Variants in PIF1 observed in about 807,000 individuals in gnomAD.
PIF1 encodes the protein ATP-dependent DNA helicase PIF1.
Under a neutral mutation model 62.3 loss-of-function variants are expected in PIF1, and 67 were observed. That is an observed-to-expected ratio of 1.08 (90% CI 0.88 to 1.32). The LOEUF is 1.32. Ranked by LOEUF, PIF1 falls within the 40% of genes most tolerant of loss-of-function variation. The pLI, the probability that PIF1 is intolerant of heterozygous loss-of-function variation, is 0.00. For synonymous variants in PIF1, 364 were observed against 379.5 expected (o/e 0.96, Z 0.47); for missense variants, 886 against 866.1 (o/e 1.02, Z -0.29).
At chr15:64,822,435 C>T in intron 3 of PIF1, 43 bp downstream of exon 3, 1 of 1,614,086 alleles carries the variant, frequency 6.2e-7, no homozygotes, top group Admixed American at 1.7e-5. Flanking sequence ...TTCCTCTATC[C>T]CACCCCACCA....
chr15:64,820,861 A>G, intron 7 of PIF1, 121 bp downstream of exon 7: 1 of 843,742 alleles, frequency 1.2e-6, no homozygotes, highest in South Asian at 1.6e-5. Flanking sequence ...CTCTTCCTGC[A>G]TGGAGTGCTT....
In PIF1 at chr15:64,822,525, A is replaced by G. The variant is rs757793016; in HGVS notation, c.644T>C (p.Leu215Pro). The change falls in exon 3 of 13, where the codon CTG (leucine) becomes CCG (proline). Residue 215 changes from leucine (L) to proline (P), a missense_variant. Transcript: ENST00000559239. ...PQLSEEQAAVLRAVLKGQSIF... is the reference protein window; with the variant it reads ...PQLSEEQAAVPRAVLKGQSIF... Reference sequence around the variant, plus strand: ...GCTCTGGCCTTTCAGGACGGCCCTCAGCACAGCAGCCTGTTCCTCAGAAAG... The same window carrying G: ...GCTCTGGCCTTTCAGGACGGCCCTCGGCACAGCAGCCTGTTCCTCAGAAAG... 4.3e-6 allele frequency: 7 copies of G among 1,613,362 alleles called. No homozygotes were observed. In the South Asian group the frequency reaches 6.6e-5, roughly 15 times the overall value.
In PIF1 at chr15:64,815,753, G is replaced by A; in HGVS notation, c.*545C>T. 1 of 1,550,612 alleles carries A rather than the reference G, an allele frequency of 6.4e-7. No individual in the cohort carries two copies. Among genetic ancestry groups the A allele is most frequent in the Non-Finnish European group, 8.7e-7 (1 of 1,147,006 alleles). ...AGCTTAAAATATGGGTGCACATTTT[G>A]CAGCTTATGTTCTTTGGTTAGGCTC... On this transcript the variant is annotated 3_prime_UTR_variant, in exon 13 of 13. Transcript: ENST00000559239.
intron 12 of PIF1, 29 bp from the exon 13 acceptor site, chr15:64,816,386 T>C (rs766010671): frequency 1.2e-6 from 2 of 1,613,634 alleles, no homozygotes; most frequent in Admixed American, 1.7e-5. Context: ...AGCCCAGTCA[T>C]GGGTTTGTGC....
Position 64,815,987 on chromosome 15 carries a change from C to A in PIF1, c.*311G>T. The A allele has an allele frequency of 6.6e-7, 1 of 1,518,926 alleles. No individual in the cohort carries two copies. The highest frequency in any genetic ancestry group is 8.8e-7 in the Non-Finnish European group (1 of 1,131,910). The allele number at this position is 1,518,926 out of a possible 1,614,324, so 94.1% of individuals were successfully genotyped here. On this transcript the variant is annotated 3_prime_UTR_variant, in exon 13 of 13. Transcript: ENST00000559239. ...TGTTCAGGACTCTGCAGCTCTGTGT[C>A]CAGCCCTTGCAGAGAGCTTTGTCCT...
At position 64,821,315 on chromosome 15, in the gene PIF1, C is replaced by A. The variant is rs757714602; in HGVS notation, c.972-34G>T. 39 of 1,613,976 alleles carry A rather than the reference C, an allele frequency of 2.4e-5. No homozygotes were observed. The South Asian group carries it at 4.2e-4, about 17-fold the overall frequency. On this transcript the variant is annotated intron_variant, in intron 5 of 12. Coordinates refer to ENST00000559239, the MANE Select transcript of PIF1 (RefSeq NM_001286496.2). ...GAGCGTGGGGTGCTTTAGGGGCACA[C>A]AGAAGACCACCAGGTCCCAGTTCTC...
Position 64,819,913 on chromosome 15 carries a change from T to C in PIF1, c.1267A>G (p.Thr423Ala), listed in dbSNP as rs920114744. The part of the protein sequence containing the change: ...HKVGRDGIVA[T>A]RLCTHQDDVA... ...TCATCCTGGTGGGTGCAGAGCCTCGTGGCCACAATCCCATCTCGCCCCACC... is the reference window on the plus strand; with the variant it reads ...TCATCCTGGTGGGTGCAGAGCCTCGCGGCCACAATCCCATCTCGCCCCACC... The change falls in exon 8 of 13, where the codon ACG (threonine) becomes GCG (alanine). Residue 423 changes from threonine to alanine, a missense_variant. Physicochemically the swap from Thr to Ala is moderately conservative, Grantham distance 58 (BLOSUM62 0). Transcript: ENST00000559239. 1 of 1,614,062 alleles carries C rather than the reference T, an allele frequency of 6.2e-7. No individual in the cohort carries two copies. The highest frequency in any genetic ancestry group is 2.2e-5 in the East Asian group (1 of 44,898).
chr15:64,821,309 GGCACACA>G (rs761503728), intron 5 of PIF1, 28 bp from the exon 6 acceptor site: 3 of 1,614,132 alleles, frequency 1.9e-6, no homozygotes, highest in Non-Finnish European at 2.5e-6. Flanking sequence ...GTGCTTTAGG[GGCACACA>G]GAAGACCACC....
intron 11 of PIF1, 74 bp from the exon 12 acceptor site, chr15:64,816,839 C>G (rs993052050): frequency 7.3e-7 from 1 of 1,369,234 alleles, no homozygotes; most frequent in Non-Finnish European, 9.8e-7. Flanking sequence ...GACCCTTTAC[C>G]AGCCCTGCTA....
Position 64,824,093 on chromosome 15 carries a change from G to A in PIF1, c.243C>T (p.Ala81=), listed in dbSNP as rs998256497. 4 of 1,266,950 alleles carry A rather than the reference G, an allele frequency of 3.2e-6. No homozygotes were observed. Among genetic ancestry groups the A allele is most frequent in the East Asian group, 6.4e-5 (2 of 31,340 alleles). 78.5% of individuals were successfully genotyped at this position (1,266,950 alleles called of 1,614,324 possible). A position where few individuals can be genotyped will look rare whatever the true frequency, so the allele number is the denominator to read the frequency against. The change falls in exon 2 of 13, where the codon GCC becomes GCT. Residue 81 remains alanine, a synonymous_variant. Coordinates refer to ENST00000559239, the MANE Select transcript of PIF1 (RefSeq NM_001286496.2). The part of the protein sequence containing the change: ...LRAARLFTRF[A]EAGRSTLRLP... ...GCCGCAGGGTGCTGCGCCCGGCCTC[G>A]GCGAAACGCGTGAAGAGGCGCGCGG...
rs1461782187 is a variant in PIF1 at position 64,824,315 on chromosome 15, C to T, written c.21G>A (p.Ala7=). The T allele has an allele frequency of 1.3e-5, 16 of 1,257,126 alleles. No homozygotes were observed. The highest frequency in any genetic ancestry group is 4.0e-5 in the Admixed American group (1 of 24,756). The allele number at this position is 1,257,126 out of a possible 1,614,324, so 77.9% of individuals were successfully genotyped here. A position where few individuals can be genotyped will look rare whatever the true frequency, so the allele number is the denominator to read the frequency against. The change falls in exon 2 of 13, where the codon GCG becomes GCA. Residue 7 remains alanine (A), a synonymous_variant. Coordinates refer to ENST00000559239, the MANE Select transcript of PIF1 (RefSeq NM_001286496.2). MLSGIE[A]AAGEYEDSEL... Reference sequence around the variant, plus strand: ...CCGAGTCCTCATATTCCCCTGCCGCCGCCTCTATGCCCGAGAGCATCGTCA... The same window carrying T: ...CCGAGTCCTCATATTCCCCTGCCGCTGCCTCTATGCCCGAGAGCATCGTCA...
intron 1 of PIF1, 61 bp from the exon 2 acceptor site, chr15:64,824,415 G>GGGAC (rs2084339076): frequency 9.0e-7 from 1 of 1,111,008 alleles, no homozygotes; most frequent in Non-Finnish European, 1.1e-6. Context: ...GGTGCTATAG[G>GGGAC]GGACGTAATG....
Position 64,824,104 on chromosome 15 carries a change from T to G in PIF1, c.232A>C (p.Thr78Pro). The G allele has an allele frequency of 7.9e-7, 1 of 1,268,512 alleles. No homozygotes were observed. Among genetic ancestry groups the G allele is most frequent in the Non-Finnish European group, 9.9e-7 (1 of 1,008,390 alleles). 78.6% of individuals were successfully genotyped at this position (1,268,512 alleles called of 1,614,324 possible). ...CTGCGCCCGGCCTCGGCGAAACGCG[T>G]GAAGAGGCGCGCGGCGCGCAGAGGA... The part of the protein sequence containing the change: ...CFPLRAARLF[T>P]RFAEAGRSTL... The change falls in exon 2 of 13, where the codon ACG becomes CCG. Residue 78 changes from threonine (T) to proline (P), a missense_variant. Thr to Pro is a conservative substitution (Grantham distance 38, BLOSUM62 -1). Coordinates refer to ENST00000559239, the MANE Select transcript of PIF1 (RefSeq NM_001286496.2).
In PIF1 at chr15:64,823,936, A is replaced by G; in HGVS notation, c.400T>C (p.Ser134Pro). The G allele has an allele frequency of 1.5e-6, 2 of 1,316,838 alleles. No homozygotes were observed. The highest frequency in any genetic ancestry group is 9.7e-7 in the Non-Finnish European group (1 of 1,028,258). 81.6% of individuals were successfully genotyped at this position (1,316,838 alleles called of 1,614,324 possible). ...GGGCCCAGCAGCTGCGCTCGGGCGG[A>G]GGCCGGCCCGGGACCCGGGGCCGCA... ...LAAAPGPGPA[S>P]ARAQLLGPRP... The change falls in exon 2 of 13, where the codon TCC (serine) becomes CCC (proline). Residue 134 changes from serine (S) to proline (P), a missense_variant. By Grantham distance (74) the Ser-to-Pro change is moderately conservative. Coordinates refer to ENST00000559239, the MANE Select transcript of PIF1 (RefSeq NM_001286496.2).
intron 2 of PIF1, 152 bp from the exon 3 acceptor site, chr15:64,822,762 C>G (rs2084309549): frequency 8.3e-7 from 1 of 1,198,220 alleles, no homozygotes; most frequent in South Asian, 1.5e-5. Context: ...GAGAGCTTGC[C>G]AGCAACTATT....
Position 64,824,060 on chromosome 15 carries a change from G to A in PIF1, c.276C>T (p.Ala92=). Residue 92 remains alanine, a synonymous_variant, in exon 2 of 13, where the codon GCC becomes GCT. Coordinates refer to ENST00000559239, the MANE Select transcript of PIF1 (RefSeq NM_001286496.2). ...CTGCGCCGGCCCCGGGGGTGTCGTGGGCGGGGAGCCGCAGGGTGCTGCGCC... is the reference window on the plus strand; with the variant it reads ...CTGCGCCGGCCCCGGGGGTGTCGTGAGCGGGGAGCCGCAGGGTGCTGCGCC... The part of the protein sequence containing the change: ...EAGRSTLRLP[A]HDTPGAGAVQ... 6.3e-6 allele frequency: 8 copies of A among 1,264,264 alleles called. No homozygotes were observed. The highest frequency in any genetic ancestry group is 7.9e-6 in the Non-Finnish European group (8 of 1,006,408). The allele number at this position is 1,264,264 out of a possible 1,614,324, so 78.3% of individuals were successfully genotyped here.
upstream of PIF1, chr15:64,825,795 T>C (rs911561144): frequency 1.3e-5 from 2 of 152,158 alleles, no homozygotes; most frequent in African/African-American, 2.4e-5. Context: ...GCTGTACCAA[T>C]TGCCTGCTAG....
chr15:64,821,413 A>G lies in PIF1; in HGVS notation c.925T>C (p.Ser309Pro). 2 of 1,614,158 alleles carry G rather than the reference A, an allele frequency of 1.2e-6. No homozygotes were observed. The highest frequency in any genetic ancestry group is 8.5e-7 in the Non-Finnish European group (1 of 1,180,024). ...NCQRLVIDEI[S>P]MVEADLFDKL... ...TCAAACAGGTCTGCCTCCACCATTGAGATCTCGTCAATGACCAACCGCTGG... is the reference window on the plus strand; with the variant it reads ...TCAAACAGGTCTGCCTCCACCATTGGGATCTCGTCAATGACCAACCGCTGG... Residue 309 changes from serine (S) to proline (P), a missense_variant, in exon 5 of 13, where the codon TCA becomes CCA. By Grantham distance (74) the Ser-to-Pro change is moderately conservative (BLOSUM62 -1). Transcript: ENST00000559239.
chr15:64,825,326 A>G (rs2084354029), intron 1 of PIF1, among the ~76,000 whole-genome samples: 2 of 152,140 alleles, frequency 1.3e-5, no homozygotes, highest in South Asian at 4.1e-4. Flanking sequence ...CAGACGTGGA[A>G]ACAGGCTAAG....
Sources: allele counts gnomAD v4.1 joint callset (sites outside exome capture counted in the v4.1 genomes callset), GRCh38; gene constraint gnomAD v4.1.1; transcripts MANE v1.5; gene names NCBI Gene and HGNC (gene_info 2026-07-23, HGNC 2026-07-21).